The following ZNF583 variants were observed in gnomAD, a reference collection of about 807,000 sequenced individuals.
The protein encoded by ZNF583 is zinc finger protein L3-5.
ZNF583 carries 30 observed loss-of-function variants against 55.3 expected under a neutral mutation model. The ratio of observed to expected loss-of-function variants is 0.54; its 90% confidence interval spans 0.41 to 0.74. The LOEUF (loss-of-function observed/expected upper bound fraction) is 0.74. ZNF583 is among the 30% of genes least tolerant of loss of function. ZNF583 has a pLI of 0.00. For missense variants in ZNF583, 504 were observed against 664.7 expected, an observed-to-expected ratio of 0.76 and a Z score of 2.66; for synonymous variants, 208 against 220.0, an observed-to-expected ratio of 0.95 and a Z score of 0.48.
At chr19:56,405,889 AG>A (rs1292225873) in intron 1 of ZNF583, among the ~76,000 whole-genome samples, 1 of 152,228 alleles carries the variant, frequency 6.6e-6, no homozygotes, top group Non-Finnish European at 1.5e-5. Flanking sequence ...GAGGTTGTAT[AG>A]GTAGCATGTG....
intron 2 of ZNF583, among the ~76,000 whole-genome samples, chr19:56,409,207 G>A (rs2042201492): frequency 6.6e-6 from 1 of 152,132 alleles, no homozygotes; most frequent in African/African-American, 2.4e-5. Context: ...ATTAAGAGGA[G>A]GAACTTTGTT....
chr19:56,413,611 G>C (rs947353255), intron 2 of ZNF583, among the ~76,000 whole-genome samples: 4 of 152,078 alleles, frequency 2.6e-5, no homozygotes, highest in African/African-American at 9.7e-5. Context: ...CGGTGTATCT[G>C]ATTTTCCAAT....
At chr19:56,405,152 CACTGTATGTGAA>C (rs1359481513) in intron 1 of ZNF583, among the ~76,000 whole-genome samples, 1 of 152,120 alleles carries the variant, frequency 6.6e-6, no homozygotes, top group African/African-American at 2.4e-5. Flanking sequence ...GAGACTGTGT[CACTGTATGTGAA>C]ACTGTATGTG....
intron 2 of ZNF583, among the ~76,000 whole-genome samples, chr19:56,411,382 A>G (rs2042235845): frequency 1.3e-5 from 2 of 152,326 alleles, no homozygotes; most frequent in East Asian, 1.9e-4. Flanking sequence ...AATGATGGCA[A>G]TATTTTAAAT....
intron 4 of ZNF583, among the ~76,000 whole-genome samples, chr19:56,415,561 T>C (rs2042307691): frequency 6.6e-6 from 1 of 152,150 alleles, no homozygotes; most frequent in Non-Finnish European, 1.5e-5. Flanking sequence ...GGCATCTCTA[T>C]AATTTGTCTT....
intron 4 of ZNF583, among the ~76,000 whole-genome samples, chr19:56,420,543 C>A (rs2042397953): frequency 6.6e-6 from 1 of 152,074 alleles, no homozygotes; most frequent in Admixed American, 6.5e-5. Flanking sequence ...ATAGGATTAC[C>A]TATTTCTTAC....
intron 3 of ZNF583, 61 bp from the exon 4 acceptor site, chr19:56,414,284 A>T (rs1264276468): frequency 6.4e-7 from 1 of 1,570,954 alleles, no homozygotes; most frequent in African/African-American, 1.3e-5. Context: ...CTTCTTGATG[A>T]TGCAGAAACT....
chr19:56,422,870 T>C, intron 4 of ZNF583, 21 bp from the exon 5 acceptor site: 1 of 1,532,970 alleles, frequency 6.5e-7, no homozygotes, highest in South Asian at 1.3e-5. Context: ...CAAAAGTCAT[T>C]TGTTTCTTGA....
intron 2 of ZNF583, among the ~76,000 whole-genome samples, chr19:56,411,581 T>G (rs375696198): frequency 6.6e-6 from 1 of 152,258 alleles, no homozygotes; most frequent in Non-Finnish European, 1.5e-5. Context: ...TGGAACACTT[T>G]CCCGCACAAA....
intron 4 of ZNF583, among the ~76,000 whole-genome samples, chr19:56,420,773 T>A (rs2042402106): frequency 6.6e-6 from 1 of 152,174 alleles, no homozygotes; most frequent in Non-Finnish European, 1.5e-5. Context: ...TATTAATGTA[T>A]TCTTATATGT....
At chr19:56,407,173 G>C in intron 2 of ZNF583, 50 bp downstream of exon 2, 1 of 1,608,836 alleles carries the variant, frequency 6.2e-7, no homozygotes, top group Admixed American at 1.7e-5. Context: ...TTATTTTTTA[G>C]GTTATACGAA....
intron 1 of ZNF583, among the ~76,000 whole-genome samples, chr19:56,406,530 C>CTTTTTTTTTT (rs34274240): frequency 8.7e-6 from 1 of 115,240 alleles, no homozygotes. Context: ...ATGTTGTATT[C>CTTTTTTTTTT]TTTTTTTTTT....
At chr19:56,418,245 A>G (rs1375564836) in intron 4 of ZNF583, among the ~76,000 whole-genome samples, 1 of 152,156 alleles carries the variant, frequency 6.6e-6, no homozygotes. Flanking sequence ...GTCTTCTAAT[A>G]TAAGTATGGT....
Position 56,423,792 on chromosome 19 carries a change from A to G in ZNF583, c.1134A>G (p.Arg378=). 6.2e-7 allele frequency: 1 copy of G among 1,613,152 alleles called. No homozygotes were observed. The highest frequency in any genetic ancestry group is 1.1e-5 in the South Asian group (1 of 91,044). ...IVHQRIHTGE[R]PYECKECRKA... Reference sequence around the variant, plus strand: ...ATCAGAGAATTCATACTGGAGAGAGACCCTACGAATGTAAGGAATGTAGGA... The same window carrying G: ...ATCAGAGAATTCATACTGGAGAGAGGCCCTACGAATGTAAGGAATGTAGGA... Residue 378 remains arginine (R), a synonymous_variant, in exon 5 of 5, where the codon AGA becomes AGG. Transcript: ENST00000333201.
At chr19:56,406,527 A>ATTT (rs1487001997) in intron 1 of ZNF583, among the ~76,000 whole-genome samples, 1 of 117,274 alleles carries the variant, frequency 8.5e-6, no homozygotes. Flanking sequence ...GGTATGTTGT[A>ATTT]TTCTTTTTTT....
intron 2 of ZNF583, among the ~76,000 whole-genome samples, chr19:56,412,250 G>A (rs1294297322): frequency 1.3e-5 from 2 of 152,242 alleles, no homozygotes; most frequent in African/African-American, 2.4e-5. Flanking sequence ...CAGCTTAAGA[G>A]CAGGCTCTGT....
chr19:56,422,000 G>C (rs971529461), intron 4 of ZNF583, among the ~76,000 whole-genome samples: 9 of 152,178 alleles, frequency 5.9e-5, no homozygotes, highest in Non-Finnish European at 1.2e-4. Flanking sequence ...GCAGATATCT[G>C]TGGAAAGTGC....
intron 2 of ZNF583, among the ~76,000 whole-genome samples, chr19:56,407,800 A>G (rs891272465): frequency 6.6e-6 from 1 of 152,216 alleles, no homozygotes; most frequent in Non-Finnish European, 1.5e-5. Context: ...GGAAAAGACT[A>G]ATGGGAGAGC....
intron 4 of ZNF583, chr19:56,421,606 G>T (rs2042417240): frequency 1.5e-6 from 1 of 665,726 alleles, no homozygotes; most frequent in Non-Finnish European, 1.9e-6. Flanking sequence ...ATTCCATTTG[G>T]TTTCAGACAT....
Sources: allele counts gnomAD v4.1 joint callset (sites outside exome capture counted in the v4.1 genomes callset), GRCh38; gene constraint gnomAD v4.1.1; transcripts MANE v1.5; gene names NCBI Gene and HGNC (gene_info 2026-07-23, HGNC 2026-07-21).